NRG3: variants seen among roughly 807,000 people sequenced by gnomAD.
NRG3 encodes neuregulin 3.
NRG3 carries 31 observed loss-of-function variants against 66.9 expected under a neutral mutation model. The observed-to-expected ratio is 0.46, with a 90% CI of 0.35 to 0.63. The LOEUF (loss-of-function observed/expected upper bound fraction) is 0.63, where lower values mean the gene tolerates loss of function less well. Among genes scored for constraint, NRG3 ranks in the 20% least tolerant of loss-of-function variants. NRG3 has a pLI of 0.00. For missense variants in NRG3, 910 were observed against 878.9 expected (o/e 1.04, Z -0.45); for synonymous variants, 393 against 359.4 (o/e 1.09, Z -1.06).
At chr10:81,881,848 TTTC>T (rs898679896) in intron 1 of NRG3, among the ~76,000 whole-genome samples, 1 of 152,144 alleles carries the variant, frequency 6.6e-6, no homozygotes, top group African/African-American at 2.4e-5. Flanking sequence ...CAGCTTTTTT[TTTC>T]TTTTAAAAGA....
Position 82,240,512 on chromosome 10 carries a change from G to A in NRG3, c.824-118227G>A, listed in dbSNP as rs139861380. Reference sequence around the variant, plus strand: ...GAACTGAAGGGAAGATGAAGAGTCCGAAATGGTTCCTAATTCCATTAGGGG... The same window carrying A: ...GAACTGAAGGGAAGATGAAGAGTCCAAAATGGTTCCTAATTCCATTAGGGG... On this transcript the variant is annotated intron_variant, in intron 1 of 8. Coordinates refer to ENST00000372141, the MANE Select transcript of NRG3 (RefSeq NM_001010848.4). Among the ~76,000 whole-genome samples the A allele has an allele frequency of 7.4e-3, 1,124 of 152,250 alleles. 6 individuals carry two copies. Among genetic ancestry groups the A allele is most frequent in the African/African-American group, 0.01 (434 of 41,554 alleles).
intron 1 of NRG3, among the ~76,000 whole-genome samples, chr10:82,319,698 A>T (rs979392516): frequency 6.6e-6 from 1 of 152,118 alleles, no homozygotes; most frequent in African/African-American, 2.4e-5. Flanking sequence ...TTTCTAATGA[A>T]TCTGCTCCTT....
intron 1 of NRG3, among the ~76,000 whole-genome samples, chr10:81,919,559 AGTCTAGTAAGGGATAAAAAGAT>A (rs1846054413): frequency 6.6e-6 from 1 of 152,142 alleles, no homozygotes; most frequent in African/African-American, 2.4e-5. Flanking sequence ...AAGAATTTAT[AGTCTAGTAAGGGATAAAAAGAT>A]TGTGTGTTTG....
At chr10:82,477,885 A>G (rs1332112480) in intron 2 of NRG3, among the ~76,000 whole-genome samples, 1 of 152,172 alleles carries the variant, frequency 6.6e-6, no homozygotes, top group Non-Finnish European at 1.5e-5. Context: ...ACTCCGGGAG[A>G]GTCTGCAATG....
intron 4 of NRG3, among the ~76,000 whole-genome samples, chr10:82,914,279 C>G (rs1845620855): frequency 6.6e-6 from 1 of 152,096 alleles, no homozygotes; most frequent in Non-Finnish European, 1.5e-5. Flanking sequence ...TCTGCTGTAT[C>G]TGAGTTTGAT....
intron 1 of NRG3, among the ~76,000 whole-genome samples, chr10:82,052,174 G>T (rs2063629096): frequency 1.3e-5 from 2 of 151,880 alleles, no homozygotes; most frequent in Non-Finnish European, 2.9e-5. Context: ...TTTGTTTAGG[G>T]GCACTGCAGT....
intron 1 of NRG3, among the ~76,000 whole-genome samples, chr10:82,111,822 T>A (rs1293001854): frequency 1.3e-5 from 2 of 152,208 alleles, no homozygotes; most frequent in Admixed American, 6.5e-5. Flanking sequence ...TTGCAATGAA[T>A]TTACACTTTA....
intron 2 of NRG3, among the ~76,000 whole-genome samples, chr10:82,390,528 G>A (rs138185656): frequency 8.3e-4 from 126 of 152,152 alleles, no homozygotes; most frequent in Middle Eastern, 3.4e-3. Context: ...TGATTTGCCC[G>A]TGACACTCAT....
intron 1 of NRG3, among the ~76,000 whole-genome samples, chr10:81,963,126 T>A (rs2059586608): frequency 1.5e-5 from 1 of 68,958 alleles, no homozygotes; most frequent in Non-Finnish European, 2.6e-5. Flanking sequence ...ACGAGGGCTC[T>A]TTTTTTTTTT....
At chr10:81,962,816 A>T (rs905642184) in intron 1 of NRG3, among the ~76,000 whole-genome samples, 5 of 152,094 alleles carry the variant, frequency 3.3e-5, no homozygotes, top group Non-Finnish European at 5.9e-5. Context: ...ATGGCATCCC[A>T]TCCTCCAGGG....
At chr10:82,340,683 C>T (rs1377635622) in intron 1 of NRG3, 1 of 152,118 alleles carries the variant, frequency 6.6e-6, no homozygotes, top group African/African-American at 2.4e-5. Context: ...CTGAGTCAAG[C>T]ACTGTCTTTA....
intron 2 of NRG3, among the ~76,000 whole-genome samples, chr10:82,442,696 A>G (rs948674685): frequency 6.6e-6 from 1 of 151,934 alleles, no homozygotes; most frequent in African/African-American, 2.4e-5. Flanking sequence ...ACATTTATCA[A>G]ATTCATCAGC....
intron 3 of NRG3, among the ~76,000 whole-genome samples, chr10:82,764,947 C>A (rs948322052): frequency 6.6e-6 from 1 of 152,024 alleles, no homozygotes; most frequent in Non-Finnish European, 1.5e-5. Flanking sequence ...TGTCATATGA[C>A]AAAGTGTAGT....
chr10:81,988,801 G>A (rs1475697844), intron 1 of NRG3, among the ~76,000 whole-genome samples: 1 of 151,946 alleles, frequency 6.6e-6, no homozygotes, highest in East Asian at 1.9e-4. Flanking sequence ...GGTCTTAGCA[G>A]CCCACATTAA....
chr10:82,710,586 C>CAAAAAAAA (rs59857324), intron 2 of NRG3, among the ~76,000 whole-genome samples: 5 of 73,750 alleles, frequency 6.8e-5, no homozygotes, highest in Admixed American at 2.2e-4. Flanking sequence ...GACTCCATCT[C>CAAAAAAAA]AAAAAAAAAA....
At chr10:82,008,888 C>G (rs534184706) in intron 1 of NRG3, among the ~76,000 whole-genome samples, 24 of 152,256 alleles carry the variant, frequency 1.6e-4, no homozygotes, top group Non-Finnish European at 1.9e-4. Context: ...GTATTCAGAG[C>G]AAGGCATGTG....
chr10:82,001,180 A>T (rs1235140811), intron 1 of NRG3, among the ~76,000 whole-genome samples: 1 of 149,300 alleles, frequency 6.7e-6, no homozygotes, highest in African/African-American at 2.5e-5. Context: ...ATTTTTAAAA[A>T]AGGAAAGTGT....
intron 1 of NRG3, among the ~76,000 whole-genome samples, chr10:81,951,273 A>G (rs1849332371): frequency 6.6e-6 from 1 of 152,186 alleles, no homozygotes. Flanking sequence ...AAGCTTCAAC[A>G]GTTGAACAGC....
At chr10:82,312,822 A>G (rs2081101848) in intron 1 of NRG3, among the ~76,000 whole-genome samples, 1 of 152,168 alleles carries the variant, frequency 6.6e-6, no homozygotes, top group East Asian at 1.9e-4. Context: ...TTGCTCAATC[A>G]AAAGACTATG....
Sources: gnomAD v4.1 joint callset for allele counts (sites outside exome capture counted in the v4.1 genomes callset) on GRCh38, gnomAD v4.1.1 for gene constraint, MANE v1.5 for transcripts, NCBI Gene and HGNC (gene_info 2026-07-23, HGNC 2026-07-21) for gene names.